Variants in TRIM2 observed in about 807,000 individuals in gnomAD.
TRIM2 encodes the protein tripartite motif-containing protein 2.
A neutral mutation model predicts 75.2 loss-of-function variants in TRIM2; 20 were observed. That is an observed-to-expected ratio of 0.27 (90% CI 0.19 to 0.39). The LOEUF (loss-of-function observed/expected upper bound fraction) is 0.39, where lower values mean the gene tolerates loss of function less well. TRIM2 is among the 10% of genes least tolerant of loss of function. The pLI is 1.00. For synonymous variants in TRIM2, 373 were observed against 388.3 expected, an observed-to-expected ratio of 0.96 and a Z score of 0.46; for missense variants, 660 against 990.8, an observed-to-expected ratio of 0.67 and a Z score of 4.48.
rs1162676197 is a variant in TRIM2, at chr4:153,257,326, G to A, written c.31-13009G>A. The stretch of plus-strand genomic sequence containing the variant: ...AAGCAAGCCACCCACGAATCTCATT[G>A]CAGCTCGCTGCTGCATCCCTATCCC... On this transcript the variant is annotated intron_variant, in intron 1 of 11. Coordinates refer to ENST00000338700, the MANE Select transcript of TRIM2 (RefSeq NM_015271.5). The A allele has an allele frequency of 4.6e-6, 4 of 876,646 alleles. No homozygotes were observed. In the South Asian group the frequency reaches 9.4e-5, roughly 21 times the overall value. The allele number at this position is 876,646 out of a possible 1,614,324, so 54.3% of individuals were successfully genotyped here. A position where few individuals can be genotyped will look rare whatever the true frequency, so the allele number is the denominator to read the frequency against.
At chr4:153,236,241 A>G (rs1452111238) in intron 1 of TRIM2, among the ~76,000 whole-genome samples, 2 of 151,990 alleles carry the variant, frequency 1.3e-5, no homozygotes. Context: ...GTATTTCTTC[A>G]TAGCAGCATG....
upstream of TRIM2, among the ~76,000 whole-genome samples, chr4:153,200,721 A>AT (rs1734250554): frequency 4.1e-5 from 5 of 122,874 alleles, no homozygotes; most frequent in Admixed American, 2.3e-4. Flanking sequence ...AGTAAGAAAA[A>AT]AAAATATATA....
chr4:153,335,309 T>A lies in TRIM2; in HGVS notation c.*343T>A. On this transcript the variant is annotated 3_prime_UTR_variant, in exon 12 of 12. Transcript: ENST00000338700. ...TATGTAAAGGTATTCGTTAATCCTG[T>A]GAATGGTAGCTTTTGCACAGAACTT... The A allele has an allele frequency of 9.9e-7, 1 of 1,005,344 alleles. No homozygotes were observed. Among genetic ancestry groups the A allele is most frequent in the Non-Finnish European group, 1.2e-6 (1 of 843,392 alleles). 62.3% of individuals were successfully genotyped at this position (1,005,344 alleles called of 1,614,324 possible). A position where few individuals can be genotyped will look rare whatever the true frequency, so the allele number is the denominator to read the frequency against.
chr4:153,273,571 G>C (rs1163162811), intron 2 of TRIM2, among the ~76,000 whole-genome samples: 1 of 151,166 alleles, frequency 6.6e-6, no homozygotes, highest in African/African-American at 2.4e-5. Flanking sequence ...GGCATTACAG[G>C]CGTGAGCCAC....
intron 1 of TRIM2, among the ~76,000 whole-genome samples, chr4:153,260,435 T>C (rs1056489175): frequency 1.3e-5 from 2 of 152,040 alleles, no homozygotes; most frequent in Non-Finnish European, 2.9e-5. Flanking sequence ...TGGCCTTCTT[T>C]ATATACTAAA....
At position 153,305,269 on chromosome 4, in the gene TRIM2, T is replaced by C. The variant is rs574765617; in HGVS notation, c.1510+9233T>C. 9.8e-5 allele frequency among the ~76,000 whole-genome samples: 15 copies of C among 152,308 alleles called. No individual in the cohort carries two copies. The East Asian group carries it at 2.9e-3, about 29-fold the overall frequency. On this transcript the variant is annotated intron_variant, in intron 6 of 11. Transcript: ENST00000338700. Reference sequence around the variant, plus strand: ...CAGTGCCTCGGTTTCCTTTATAAAGTTACAAAGTTTCCTTTGTTTTGAGAA... The same window carrying C: ...CAGTGCCTCGGTTTCCTTTATAAAGCTACAAAGTTTCCTTTGTTTTGAGAA...
chr4:153,197,172 T>C (rs1195758058), intron 1 of TRIM2, among the ~76,000 whole-genome samples: 1 of 152,210 alleles, frequency 6.6e-6, no homozygotes, highest in Non-Finnish European at 1.5e-5. Flanking sequence ...GAAGAAATTA[T>C]GTAGAATAAT....
intron 8 of TRIM2, among the ~76,000 whole-genome samples, chr4:153,317,612 T>G (rs551112023): frequency 6.6e-4 from 98 of 148,852 alleles, no homozygotes; most frequent in African/African-American, 2.1e-3. Flanking sequence ...ATCGTGCCAC[T>G]GCACTCCAGC....
intron 3 of TRIM2, among the ~76,000 whole-genome samples, chr4:153,288,745 C>G (rs184814467): frequency 6.6e-6 from 1 of 151,366 alleles, no homozygotes; most frequent in Non-Finnish European, 1.5e-5. Context: ...TGGTGTCCCA[C>G]GGGCCTCTTA....
At chr4:153,189,823 G>C (rs76974256) in intron 1 of TRIM2, among the ~76,000 whole-genome samples, 1 of 152,126 alleles carries the variant, frequency 6.6e-6, no homozygotes, top group Non-Finnish European at 1.5e-5. Context: ...TTCCTCTAAA[G>C]TATACACAAC....
At chr4:153,227,521 C>T (rs1261987518) in intron 1 of TRIM2, among the ~76,000 whole-genome samples, 4 of 152,154 alleles carry the variant, frequency 2.6e-5, no homozygotes, top group Admixed American at 6.5e-5. Flanking sequence ...ATTAGTGTTG[C>T]ACATTCAACG....
At chr4:153,198,269 CT>C (rs1299311083) in intron 1 of TRIM2, among the ~76,000 whole-genome samples, 53 of 152,150 alleles carry the variant, frequency 3.5e-4, no homozygotes, top group African/African-American at 1.2e-3. Context: ...TGAATTGTAT[CT>C]CCCAGAATTC....
chr4:153,166,493 TTCCC>T (rs1313733537), intron 1 of TRIM2, among the ~76,000 whole-genome samples: 4 of 135,526 alleles, frequency 3.0e-5, no homozygotes, highest in Non-Finnish European at 4.8e-5. Flanking sequence ...CCTCCCTTCC[TTCCC>T]TCCCTCCCTC....
intron 1 of TRIM2, among the ~76,000 whole-genome samples, chr4:153,184,484 G>T (rs1360144345): frequency 6.6e-6 from 1 of 152,094 alleles, no homozygotes. Flanking sequence ...CCACATTGGG[G>T]GCTAGGGTTT....
At chr4:153,204,140 A>G (rs1734778824), upstream of TRIM2, among the ~76,000 whole-genome samples, 1 of 152,242 alleles carries the variant, frequency 6.6e-6, no homozygotes, top group Non-Finnish European at 1.5e-5. Context: ...CTTTAAAAAT[A>G]CATATTATTA....
At chr4:153,284,962 A>AT (rs1300779848) in intron 3 of TRIM2, among the ~76,000 whole-genome samples, 4 of 151,658 alleles carry the variant, frequency 2.6e-5, no homozygotes, top group African/African-American at 9.7e-5. Flanking sequence ...TAATTTCTCT[A>AT]TTTTTTTCTT....
At chr4:153,272,476 TATTA>T (rs1326274727) in intron 2 of TRIM2, among the ~76,000 whole-genome samples, 1 of 148,912 alleles carries the variant, frequency 6.7e-6, no homozygotes, top group Non-Finnish European at 1.5e-5. Flanking sequence ...TTTTTTATTT[TATTA>T]ATTATTTATT....
At chr4:153,264,367 C>T (rs1292699947) in intron 1 of TRIM2, among the ~76,000 whole-genome samples, 1 of 152,148 alleles carries the variant, frequency 6.6e-6, no homozygotes, top group Non-Finnish European at 1.5e-5. Context: ...CAAAAGCATT[C>T]GAGCTTCTTT....
chr4:153,273,843 A>G (rs1229533197), intron 2 of TRIM2, among the ~76,000 whole-genome samples: 3 of 152,260 alleles, frequency 2.0e-5, no homozygotes, highest in Non-Finnish European at 4.4e-5. Flanking sequence ...AGTGATGATT[A>G]CGCAGAAACC....
Sources: gnomAD v4.1 joint callset for allele counts (sites outside exome capture counted in the v4.1 genomes callset) on GRCh38, gnomAD v4.1.1 for gene constraint, MANE v1.5 for transcripts, NCBI Gene and HGNC (gene_info 2026-07-23, HGNC 2026-07-21) for gene names.